Variants in TBRG4 observed in about 807,000 individuals in gnomAD.
TBRG4 encodes FAST kinase domain-containing protein 4.
A neutral mutation model predicts 65.6 loss-of-function variants in TBRG4; 43 were observed. The ratio of observed to expected loss-of-function variants is 0.66; its 90% confidence interval spans 0.51 to 0.85. The LOEUF is 0.85. Among genes scored for constraint, TBRG4 ranks in the 40% least tolerant of loss-of-function variants. The probability of loss-of-function intolerance (pLI) is 0.00; values close to 1 mark genes in which losing one functional copy is unlikely to be tolerated. For missense variants in TBRG4, 709 were observed against 787.9 expected (o/e 0.90, Z 1.20); for synonymous variants, 366 against 341.4 (o/e 1.07, Z -0.79).
chr7:45,108,745 G>T, intron 2 of TBRG4, 82 bp downstream of exon 2: 1 of 1,207,630 alleles, frequency 8.3e-7, no homozygotes. Context: ...TCTATGCTTG[G>T]TAAGCACTGG....
Position 45,103,383 on chromosome 7 carries a change from A to G in TBRG4, c.1126T>C (p.Phe376Leu). The change falls in exon 6 of 11, where the codon TTT (phenylalanine) becomes CTT (leucine). Residue 376 changes from phenylalanine (F) to leucine (L), a missense_variant. Physicochemically the swap from Phe to Leu is conservative, Grantham distance 22 (BLOSUM62 0). Coordinates refer to ENST00000258770, the MANE Select transcript of TBRG4 (RefSeq NM_004749.4). ...TCTGGATGGAAGTTCAGACGCGCAA[A>G]AGCCAGAAGTACGCTGCACAGGTGG... ...LPHLCSVLLA[F>L]ARLNFHPDQE... 6.2e-7 allele frequency: 1 copy of G among 1,614,042 alleles called. No homozygotes were observed. Among genetic ancestry groups the G allele is most frequent in the Non-Finnish European group, 8.5e-7 (1 of 1,179,956 alleles).
At chr7:45,104,943 T>C in intron 3 of TBRG4, 2 of 792,828 alleles carry the variant, frequency 2.5e-6, no homozygotes, top group East Asian at 2.5e-5. Flanking sequence ...GGTCCCAGGG[T>C]AGGTGACCCA....
intron 5 of TBRG4, 123 bp downstream of exon 5, chr7:45,103,976 A>C (rs1301546439): frequency 7.6e-7 from 1 of 1,313,356 alleles, no homozygotes; most frequent in African/African-American, 1.5e-5. Context: ...AATGCAAGAA[A>C]TATGTATTTG....
chr7:45,103,148 G>A lies in TBRG4; in HGVS notation c.1176+185C>T, dbSNP rs1007191497. 4.9e-6 allele frequency: 3 copies of A among 614,134 alleles called. No homozygotes were observed. In the African/African-American group the frequency reaches 5.5e-5, roughly 11 times the overall value. The allele number at this position is 614,134 out of a possible 1,614,324, so 38.0% of individuals were successfully genotyped here. ...GGCAGGGCAGTCAACCAGACAGCAGGATTTCATGTGTTCTCAGTAATCCCT... is the reference window on the plus strand; with the variant it reads ...GGCAGGGCAGTCAACCAGACAGCAGAATTTCATGTGTTCTCAGTAATCCCT... On this transcript the variant is annotated intron_variant, in intron 6 of 10. Coordinates refer to ENST00000258770, the MANE Select transcript of TBRG4 (RefSeq NM_004749.4).
intron 1 of TBRG4, 45 bp from the exon 2 acceptor site, chr7:45,109,332 C>G (rs765618322): frequency 5.2e-5 from 75 of 1,445,042 alleles, no homozygotes; most frequent in Non-Finnish European, 6.8e-5. Flanking sequence ...AGGGGCAGTT[C>G]CTGACTCACA....
In TBRG4 at chr7:45,102,072, T is replaced by C. The variant is rs1220930368; in HGVS notation, c.1322-2A>G. 1 of 1,568,238 alleles carries C rather than the reference T, an allele frequency of 6.4e-7. No homozygotes were observed. Among genetic ancestry groups the C allele is most frequent in the Non-Finnish European group, 8.6e-7 (1 of 1,164,340 alleles). ...TCTGATCCTTCTGAGACTTGCCCCC[T>C]AGGAGACAAGGAGAAAGAAGAGGGA... On this transcript the variant is annotated splice_acceptor_variant, in intron 7 of 10. Transcript: ENST00000258770. LOFTEE classifies it high-confidence loss of function.
intron 1 of TBRG4, among the ~76,000 whole-genome samples, chr7:45,110,297 C>T (rs776791366): frequency 2.0e-5 from 3 of 152,192 alleles, no homozygotes; most frequent in Non-Finnish European, 4.4e-5. Context: ...CTTTAAAATA[C>T]ATCTCATCCT....
chr7:45,106,201 C>A, intron 2 of TBRG4: 1 of 386,962 alleles, frequency 2.6e-6, no homozygotes, highest in Non-Finnish European at 5.2e-6. Context: ...CATTTCTGCT[C>A]AAGGTGGCTG....
chr7:45,110,536 G>A (rs1420939565), intron 1 of TBRG4, among the ~76,000 whole-genome samples: 4 of 151,834 alleles, frequency 2.6e-5, no homozygotes, highest in Admixed American at 6.6e-5. Context: ...GCGTGGTGGC[G>A]GGCACCTGTA....
At position 45,100,125 on chromosome 7, in the gene TBRG4, T is replaced by C. The variant is rs769978956; in HGVS notation, c.*200A>G. On this transcript the variant is annotated 3_prime_UTR_variant, in exon 11 of 11. Coordinates refer to ENST00000258770, the MANE Select transcript of TBRG4 (RefSeq NM_004749.4). The stretch of plus-strand genomic sequence containing the variant: ...TGACAGTGCAGAGGGTGACCAAGCC[T>C]GGGAAGGCCCCAGGGGTCCAACACC... The C allele has an allele frequency of 2.2e-5, 12 of 543,634 alleles. No homozygotes were observed. Among genetic ancestry groups the C allele is most frequent in the Non-Finnish European group, 3.6e-5 (11 of 306,818 alleles). The allele number at this position is 543,634 out of a possible 1,614,324, so 33.7% of individuals were successfully genotyped here.
Position 45,105,492 on chromosome 7 carries a change from C to G in TBRG4, c.684G>C (p.Met228Ile). The change falls in exon 3 of 11, where the codon ATG (methionine) becomes ATC (isoleucine). Residue 228 changes from methionine to isoleucine, a missense_variant. Physicochemically the swap from Met to Ile is conservative, Grantham distance 10. Transcript: ENST00000258770. ...GCTCCGAGAGGTGTCCCACCTTCAT[C>G]ATGACGGTCACTAATGTGTGGGAAT... ...IEDSHTLVTV[M>I]MKVGHLSEPL... The G allele has an allele frequency of 1.2e-6, 2 of 1,613,858 alleles. No individual in the cohort carries two copies. The highest frequency in any genetic ancestry group is 1.7e-6 in the Non-Finnish European group (2 of 1,179,800).
chr7:45,106,068 A>T (rs370677004), intron 2 of TBRG4: 118 of 621,818 alleles, frequency 1.9e-4, no homozygotes, highest in Non-Finnish European at 2.8e-4. Flanking sequence ...CCTACCATAG[A>T]CAGGGCAGGC....
chr7:45,100,281 A>G lies in TBRG4; in HGVS notation c.*44T>C. On this transcript the variant is annotated 3_prime_UTR_variant, in exon 11 of 11. Coordinates refer to ENST00000258770, the MANE Select transcript of TBRG4 (RefSeq NM_004749.4). ...TGACCCTTCTTGGCCGCCCACAGCT[A>G]GACCTCCGGCGGAGAGGCACGCAGT... 1 of 1,561,240 alleles carries G rather than the reference A, an allele frequency of 6.4e-7. No homozygotes were observed. The highest frequency in any genetic ancestry group is 1.1e-5 in the South Asian group (1 of 88,620).
Position 45,109,077 on chromosome 7 carries a change from A to G in TBRG4, c.161T>C (p.Leu54Ser), listed in dbSNP as rs1264299514. 1.9e-6 allele frequency: 3 copies of G among 1,613,974 alleles called. No homozygotes were observed. The highest frequency in any genetic ancestry group is 1.3e-5 in the African/African-American group (1 of 74,928). ...TCGTTCCTTCTCCACCGGCTCCATC[A>G]AGGAACCTGGGAGGTGGGAAATGGG... ...TSPISHLPGS[L>S]MEPVEKERAS... Residue 54 changes from leucine (L) to serine (S), a missense_variant, in exon 2 of 11, where the codon TTG (leucine) becomes TCG (serine). Physicochemically the swap from Leu to Ser is moderately radical, Grantham distance 145. Transcript: ENST00000258770.
rs115774480 is a variant in TBRG4, at chr7:45,111,629, G to A, written c.-51+14C>T. ...ACGATCAGCCGCCCCTTCTCCCCGTGCCACAAGACCTACGCAGCGAGCACC... is the reference window on the plus strand; with the variant it reads ...ACGATCAGCCGCCCCTTCTCCCCGTACCACAAGACCTACGCAGCGAGCACC... On this transcript the variant is annotated intron_variant, in intron 1 of 10. Transcript: ENST00000258770. 1.6e-6 allele frequency: 2 copies of A among 1,289,442 alleles called. No individual in the cohort carries two copies. The highest frequency in any genetic ancestry group is 2.0e-6 in the Non-Finnish European group (2 of 988,840). The allele number at this position is 1,289,442 out of a possible 1,614,324, so 79.9% of individuals were successfully genotyped here.
chr7:45,109,217 C>A lies in TBRG4; in HGVS notation c.21G>T (p.Lys7Asn), dbSNP rs368696216. 2 of 1,601,442 alleles carry A rather than the reference C, an allele frequency of 1.2e-6. No individual in the cohort carries two copies. The highest frequency in any genetic ancestry group is 1.7e-6 in the Non-Finnish European group (2 of 1,173,742). Residue 7 changes from lysine to asparagine, a missense_variant, in exon 2 of 11, where the codon AAG (lysine) becomes AAT (asparagine). By Grantham distance (94) the Lys-to-Asn change is moderately conservative. Transcript: ENST00000258770. Reference protein sequence around the residue: MAAHLVKRCTCLLREAA... With the variant: MAAHLVNRCTCLLREAA... ...CTTCTCTCAGGAGGCACGTGCATCG[C>A]TTTACCAGGTGAGCTGCCATGATGT...
At chr7:45,100,541 C>G (rs1784734595) in intron 10 of TBRG4, 115 bp from the exon 11 acceptor site, 1 of 778,896 alleles carries the variant, frequency 1.3e-6, no homozygotes, top group South Asian at 1.6e-5. Flanking sequence ...CCTCTGCTGA[C>G]CAACAGCTCT....
In TBRG4 at chr7:45,103,405, G is replaced by C. The variant is rs745945733; in HGVS notation, c.1104C>G (p.His368Gln). ...CAAAAGCCAGAAGTACGCTGCACAGGTGGGGCAGGGTGATGTCCTGCGCTC... is the reference window on the plus strand; with the variant it reads ...CAAAAGCCAGAAGTACGCTGCACAGCTGGGGCAGGGTGATGTCCTGCGCTC... ...LNRAQDITLP[H>Q]LCSVLLAFAR... Residue 368 changes from histidine to glutamine, a missense_variant, in exon 6 of 11, where the codon CAC (histidine) becomes CAG (glutamine). Physicochemically the swap from His to Gln is conservative, Grantham distance 24. Coordinates refer to ENST00000258770, the MANE Select transcript of TBRG4 (RefSeq NM_004749.4). 5 of 1,614,006 alleles carry C rather than the reference G, an allele frequency of 3.1e-6. No individual in the cohort carries two copies. In the Middle Eastern group the frequency reaches 6.6e-4, roughly 213 times the overall value.
At chr7:45,102,789 C>G (rs1416505966) in intron 6 of TBRG4, 2 of 452,214 alleles carry the variant, frequency 4.4e-6, no homozygotes, top group Non-Finnish European at 7.9e-6. Context: ...GAACAAGATC[C>G]CTTCTCCCAT....
Sources: gnomAD v4.1 joint callset for allele counts (sites outside exome capture counted in the v4.1 genomes callset) on GRCh38, gnomAD v4.1.1 for gene constraint, MANE v1.5 for transcripts, NCBI Gene and HGNC (gene_info 2026-07-23, HGNC 2026-07-21) for gene names.